The following SPOCK3 variants were observed in gnomAD, a reference collection of about 807,000 sequenced individuals.
The protein encoded by SPOCK3 is testican-3.
SPOCK3 carries 30 observed loss-of-function variants against 56.6 expected under a neutral mutation model. That is an observed-to-expected ratio of 0.53 (90% CI 0.40 to 0.72). SPOCK3 has a LOEUF of 0.72. SPOCK3 is among the 30% of genes least tolerant of loss of function. The probability of loss-of-function intolerance (pLI) is 0.00; values close to 1 mark genes in which losing one functional copy is unlikely to be tolerated. For synonymous variants in SPOCK3, 196 were observed against 183.3 expected, an observed-to-expected ratio of 1.07 and a Z score of -0.56; for missense variants, 527 against 530.0, an observed-to-expected ratio of 0.99 and a Z score of 0.06.
intron 4 of SPOCK3, among the ~76,000 whole-genome samples, chr4:166,988,566 T>C (rs762460706): frequency 6.6e-6 from 1 of 152,096 alleles, no homozygotes; most frequent in South Asian, 2.1e-4. Context: ...AATAATAATA[T>C]GTGGATTTTA....
intron 6 of SPOCK3, among the ~76,000 whole-genome samples, chr4:166,843,970 C>G (rs538086621): frequency 1.3e-5 from 2 of 152,252 alleles, no homozygotes; most frequent in African/African-American, 4.8e-5. Flanking sequence ...TCCCAGATTA[C>G]GTTGCGCTAA....
chr4:167,104,065 C>T (rs1759879423), intron 2 of SPOCK3, among the ~76,000 whole-genome samples: 1 of 152,058 alleles, frequency 6.6e-6, no homozygotes, highest in Non-Finnish European at 1.5e-5. Context: ...TGGCTTAGAG[C>T]ACAACACCCA....
chr4:166,908,881 G>T (rs4444855), intron 5 of SPOCK3, among the ~76,000 whole-genome samples: 38,077 of 151,874 alleles, frequency 0.25, 5,554 homozygotes, highest in East Asian at 0.66. Context: ...CTGAAGTAAA[G>T]AAATGAAGGC....
intron 3 of SPOCK3, among the ~76,000 whole-genome samples, chr4:167,011,721 C>CTA (rs1561118009): frequency 3.2e-4 from 49 of 151,996 alleles, no homozygotes; most frequent in African/African-American, 1.1e-3. Flanking sequence ...GCAAATGTGG[C>CTA]TTTCTAACAA....
chr4:166,893,749 C>T (rs940611275), intron 5 of SPOCK3, among the ~76,000 whole-genome samples: 2 of 152,098 alleles, frequency 1.3e-5, no homozygotes, highest in Non-Finnish European at 2.9e-5. Context: ...TGTCATGAGT[C>T]ACTTTTTTAT....
In SPOCK3 at chr4:167,234,027, A is replaced by G. The variant is rs11557043; in HGVS notation, c.147T>C (p.Ser49=). ...ACTGTCCGACTTCCTTGTCATACTG[A>G]GAGATTGTGGTGAGCCATTGTTTAT... The part of the protein sequence containing the change: ...LDDKQWLTTI[S]QYDKEVGQWN... Residue 49 remains serine (S), a synonymous_variant, in exon 2 of 11, where the codon TCT becomes TCC. Coordinates refer to ENST00000357545, the MANE Select transcript of SPOCK3 (RefSeq NM_001040159.2). 0.095 allele frequency: 153,514 copies of G among 1,613,690 alleles called. 8,175 individuals carry two copies. The highest frequency in any genetic ancestry group is 0.11 in the African/African-American group (8,571 of 74,908).
At chr4:167,065,060 A>AAAAAAAAAAAAAAAAAAAT (rs58042468) in intron 2 of SPOCK3, among the ~76,000 whole-genome samples, 1 of 144,448 alleles carries the variant, frequency 6.9e-6, no homozygotes, top group African/African-American at 2.6e-5. Context: ...AAAAAAAAAA[A>AAAAAAAAAAAAAAAAAAAT]GTCAAACGCA....
At chr4:166,752,798 C>T (rs760936153) in intron 8 of SPOCK3, among the ~76,000 whole-genome samples, 12 of 151,900 alleles carry the variant, frequency 7.9e-5, no homozygotes, top group Admixed American at 1.3e-4. Context: ...ACCCTGAGAA[C>T]TTTTGTAACT....
intron 2 of SPOCK3, among the ~76,000 whole-genome samples, chr4:167,128,487 C>T (rs1378169106): frequency 6.6e-6 from 1 of 152,192 alleles, no homozygotes; most frequent in African/African-American, 2.4e-5. Flanking sequence ...CTGTCTCTTA[C>T]TTGTGCCTAC....
intron 6 of SPOCK3, among the ~76,000 whole-genome samples, chr4:166,835,324 T>C (rs953574444): frequency 2.0e-5 from 3 of 152,218 alleles, no homozygotes; most frequent in African/African-American, 7.2e-5. Context: ...AGAATGATTC[T>C]AGTGTCAACA....
At chr4:167,101,133 G>T (rs1252732756) in intron 2 of SPOCK3, among the ~76,000 whole-genome samples, 2 of 152,070 alleles carry the variant, frequency 1.3e-5, no homozygotes, top group Admixed American at 1.3e-4. Flanking sequence ...TTAAGTGGTG[G>T]CTGTTTTCTT....
At chr4:166,876,321 G>A (rs1421604445) in intron 6 of SPOCK3, among the ~76,000 whole-genome samples, 1 of 152,100 alleles carries the variant, frequency 6.6e-6, no homozygotes, top group Non-Finnish European at 1.5e-5. Context: ...TACAATTTGA[G>A]ACTAAAGAAT....
At chr4:166,893,551 C>A (rs1018776661) in intron 5 of SPOCK3, among the ~76,000 whole-genome samples, 1 of 151,948 alleles carries the variant, frequency 6.6e-6, no homozygotes, top group Non-Finnish European at 1.5e-5. Flanking sequence ...ATAAATTTTT[C>A]AAGTGAAGTT....
At chr4:166,950,959 A>C (rs1330748556) in intron 4 of SPOCK3, among the ~76,000 whole-genome samples, 1 of 131,990 alleles carries the variant, frequency 7.6e-6, no homozygotes, top group Non-Finnish European at 1.6e-5. Flanking sequence ...AATTTATAGC[A>C]CTAAATGCCC....
At chr4:167,123,099 A>G (rs1198283893) in intron 2 of SPOCK3, among the ~76,000 whole-genome samples, 1 of 151,990 alleles carries the variant, frequency 6.6e-6, no homozygotes, top group Non-Finnish European at 1.5e-5. Context: ...AGAAAGTTAA[A>G]AAGTATCATT....
chr4:166,808,304 C>T (rs188610414), intron 6 of SPOCK3, among the ~76,000 whole-genome samples: 1 of 152,130 alleles, frequency 6.6e-6, no homozygotes, highest in East Asian at 1.9e-4. Flanking sequence ...AATTATTTCT[C>T]TCCCAAACAC....
intron 4 of SPOCK3, among the ~76,000 whole-genome samples, chr4:166,986,840 C>T (rs2703841): frequency 0.65 from 98,869 of 151,886 alleles, 33,968 homozygotes; most frequent in East Asian, 0.84. Flanking sequence ...CACACATGCA[C>T]ACACACCAAA....
At chr4:166,996,583 A>G (rs13140269) in intron 4 of SPOCK3, among the ~76,000 whole-genome samples, 3,982 of 152,302 alleles carry the variant, frequency 0.026, 82 homozygotes, top group Middle Eastern at 0.061. Flanking sequence ...AACATGCTGC[A>G]GCTAAAGTTC....
At chr4:166,791,709 A>G (rs1309451010) in intron 7 of SPOCK3, among the ~76,000 whole-genome samples, 2 of 151,962 alleles carry the variant, frequency 1.3e-5, no homozygotes, top group African/African-American at 4.8e-5. Flanking sequence ...TCTGTGTTTT[A>G]CTTATTTAAT....
Sources: gnomAD v4.1 joint callset for allele counts (sites outside exome capture counted in the v4.1 genomes callset) on GRCh38, gnomAD v4.1.1 for gene constraint, MANE v1.5 for transcripts, NCBI Gene and HGNC (gene_info 2026-07-23, HGNC 2026-07-21) for gene names.